The following DNAJB12 variants were observed in gnomAD, a reference collection of about 807,000 sequenced individuals.
DNAJB12 encodes dnaJ homolog subfamily B member 12.
Under a neutral mutation model 40.6 loss-of-function variants are expected in DNAJB12, and 14 were observed. The ratio of observed to expected loss-of-function variants is 0.34; its 90% CI spans 0.23 to 0.54. The LOEUF (loss-of-function observed/expected upper bound fraction) is 0.54. Ranked by LOEUF, DNAJB12 falls within the 20% of genes least tolerant of loss-of-function variation. DNAJB12 has a pLI of 0.92. For synonymous variants in DNAJB12, 181 were observed against 199.5 expected, an observed-to-expected ratio of 0.91 and a Z score of 0.78; for missense variants, 444 against 501.7, an observed-to-expected ratio of 0.89 and a Z score of 1.10.
chr10:72,343,347 G>C lies in DNAJB12; in HGVS notation c.457+19C>G, dbSNP rs747353199. 3.1e-6 allele frequency: 5 copies of C among 1,608,904 alleles called. No homozygotes were observed. In the South Asian group the frequency reaches 5.5e-5, roughly 18 times the overall value. On this transcript the variant is annotated intron_variant, in intron 3 of 8. Transcript: ENST00000444643. ...GGAGATGAACACACCAAAATGCTAG[G>C]AAAGCAGGGCTGGCTTACCTTTGAA...
intron 5 of DNAJB12, 29 bp downstream of exon 5, chr10:72,340,760 G>A (rs780575099): frequency 1.1e-5 from 18 of 1,609,448 alleles, no homozygotes; most frequent in Admixed American, 3.4e-5. Context: ...TGCCCTTCCC[G>A]CGCTGTCCCT....
chr10:72,338,059 A>G (rs1482327100), intron 6 of DNAJB12, 143 bp downstream of exon 6: 13 of 658,190 alleles, frequency 2.0e-5, no homozygotes, highest in Non-Finnish European at 2.1e-5. Flanking sequence ...TGAATAGAGA[A>G]AGTATATTTT....
rs1029375974 is a variant in DNAJB12 at position 72,335,669 on chromosome 10, A to T, written c.*30+111T>A. 11 of 1,461,504 alleles carry T rather than the reference A, an allele frequency of 7.5e-6. No individual in the cohort carries two copies. The South Asian group carries it at 1.5e-4, about 20-fold the overall frequency. The allele number at this position is 1,461,504 out of a possible 1,614,324, so 90.5% of individuals were successfully genotyped here. A position where few individuals can be genotyped will look rare whatever the true frequency, so the allele number is the denominator to read the frequency against. ...GGCTGGAGGTCAGGCTGGGGACAGG[A>T]GTCTTTGCCACAATCACCAGGCTTC... On this transcript the variant is annotated intron_variant, in intron 8 of 8. Transcript: ENST00000444643. This position sits in a 1 kb window ranked among gnomAD's most constrained non-coding sequence, Gnocchi z 4.4.
intron 2 of DNAJB12, 116 bp downstream of exon 2, chr10:72,344,834 A>G: frequency 8.0e-7 from 1 of 1,250,610 alleles, no homozygotes; most frequent in Non-Finnish European, 1.2e-6. Context: ...CCATCCTCCA[A>G]GACCCTCCCA....
intron 5 of DNAJB12, among the ~76,000 whole-genome samples, chr10:72,338,875 C>T (rs1564818379): frequency 6.7e-6 from 1 of 149,186 alleles, no homozygotes; most frequent in South Asian, 2.1e-4. Flanking sequence ...AGCAAACAAA[C>T]AAAAAAAGAA....
intron 1 of DNAJB12, among the ~76,000 whole-genome samples, chr10:72,351,129 G>A (rs2132007255): frequency 6.6e-6 from 1 of 152,254 alleles, no homozygotes; most frequent in South Asian, 2.1e-4. Context: ...AAATGCTCTC[G>A]TGAGCTCCCT....
intron 1 of DNAJB12, among the ~76,000 whole-genome samples, chr10:72,348,402 G>A (rs1282022737): frequency 1.3e-5 from 2 of 152,234 alleles, no homozygotes; most frequent in Non-Finnish European, 2.9e-5. Flanking sequence ...GACCAGCTGG[G>A]AAAACAGGCA....
intron 1 of DNAJB12, among the ~76,000 whole-genome samples, chr10:72,347,499 C>T (rs1861821323): frequency 6.6e-6 from 1 of 152,234 alleles, no homozygotes; most frequent in South Asian, 2.1e-4. Context: ...ATCTGCTGTG[C>T]TCACAACTTG....
Position 72,334,489 on chromosome 10 carries a change from G to C in DNAJB12, c.*159C>G. 1 of 1,370,754 alleles carries C rather than the reference G, an allele frequency of 7.3e-7. No homozygotes were observed. The highest frequency in any genetic ancestry group is 2.0e-5 in the Admixed American group (1 of 50,640). 84.9% of individuals were successfully genotyped at this position (1,370,754 alleles called of 1,614,324 possible). ...TTCTGCATTTACTGGGTGAGAGAGA[G>C]GGCAGCTGTGCAGCGTTCGGCCTCC... On this transcript the variant is annotated 3_prime_UTR_variant, in exon 9 of 9. Transcript: ENST00000444643.
chr10:72,337,342 G>A (rs1861505812), intron 6 of DNAJB12, among the ~76,000 whole-genome samples: 1 of 152,216 alleles, frequency 6.6e-6, no homozygotes, highest in African/African-American at 2.4e-5. Context: ...CCCCCTGCTG[G>A]CTGAGAAGGG....
In DNAJB12 at chr10:72,339,068, T is replaced by G. The variant is rs1456852838; in HGVS notation, c.724-757A>C. Among the ~76,000 whole-genome samples the G allele has an allele frequency of 2.0e-5, 3 of 151,194 alleles. No homozygotes were observed. In the East Asian group the frequency reaches 5.9e-4, roughly 30 times the overall value. On this transcript the variant is annotated intron_variant, in intron 5 of 8. Coordinates refer to ENST00000444643, the MANE Select transcript of DNAJB12 (RefSeq NM_017626.7). ...TGAGCCCAAGAGTTTGAGACCAGCC[T>G]GTGCTCAAACAGCAAAGTAAGACCC... is the stretch of plus-strand genomic sequence containing the variant.
chr10:72,338,063 A>G (rs760369367), intron 6 of DNAJB12, 139 bp downstream of exon 6: 1 of 675,354 alleles, frequency 1.5e-6, no homozygotes, highest in South Asian at 1.8e-5. Flanking sequence ...TAGAGAAAGT[A>G]TATTTTCTTG....
intron 5 of DNAJB12, among the ~76,000 whole-genome samples, chr10:72,340,091 TC>T (rs1205387828): frequency 6.6e-6 from 1 of 152,134 alleles, no homozygotes; most frequent in Non-Finnish European, 1.5e-5. Flanking sequence ...ACGCCCATAA[TC>T]CCAGCACTTT....
intron 6 of DNAJB12, 90 bp downstream of exon 6, chr10:72,338,112 C>G: frequency 9.1e-7 from 1 of 1,098,646 alleles, no homozygotes; most frequent in Non-Finnish European, 1.4e-6. Flanking sequence ...CGCACACTGG[C>G]TGGATCAGGA....
intron 1 of DNAJB12, among the ~76,000 whole-genome samples, chr10:72,347,003 T>C (rs1861809145): frequency 6.6e-6 from 1 of 151,956 alleles, no homozygotes; most frequent in Non-Finnish European, 1.5e-5. Flanking sequence ...CTCACTCTGT[T>C]GCCCAGGCTG....
At chr10:72,345,986 T>C (rs1359931285) in intron 1 of DNAJB12, among the ~76,000 whole-genome samples, 1 of 152,038 alleles carries the variant, frequency 6.6e-6, no homozygotes, top group East Asian at 1.9e-4. Context: ...TGACATAAAA[T>C]TCTACATAAT....
intron 1 of DNAJB12, among the ~76,000 whole-genome samples, chr10:72,350,062 G>A (rs1564824046): frequency 6.6e-6 from 1 of 152,070 alleles, no homozygotes; most frequent in Non-Finnish European, 1.5e-5. Flanking sequence ...GGCACCTGAG[G>A]TAGAGCTGAG....
intron 2 of DNAJB12, among the ~76,000 whole-genome samples, chr10:72,344,103 C>T (rs866084179): frequency 3.3e-5 from 5 of 152,090 alleles, no homozygotes; most frequent in Non-Finnish European, 7.4e-5. Context: ...TGGCAGGTGA[C>T]TGTTCACCGC....
chr10:72,343,927 A>G (rs1861712029), intron 2 of DNAJB12, among the ~76,000 whole-genome samples: 1 of 151,962 alleles, frequency 6.6e-6, no homozygotes, highest in Non-Finnish European at 1.5e-5. Flanking sequence ...TAAAATGTTA[A>G]ATATTTAAAG....
Sources: gnomAD v4.1 joint callset for allele counts (sites outside exome capture counted in the v4.1 genomes callset) on GRCh38, gnomAD v4.1.1 for gene constraint, Gnocchi (gnomAD v3.1) non-coding constraint, MANE v1.5 for transcripts, NCBI Gene and HGNC (gene_info 2026-07-23, HGNC 2026-07-21) for gene names.